The following RARB variants were observed in gnomAD, a reference collection of about 807,000 sequenced individuals.
RARB encodes HBV-activated protein.
In RARB, 17 loss-of-function variants were observed where a neutral mutation model predicts 51.9. The observed-to-expected ratio is 0.33, with a 90% CI of 0.22 to 0.49. RARB has a LOEUF of 0.49. Among genes scored for constraint, RARB ranks in the 20% least tolerant of loss-of-function variants. The pLI, the probability that RARB is intolerant of heterozygous loss-of-function variation, is 0.99. For missense variants in RARB, 369 were observed against 550.8 expected (o/e 0.67, Z 3.30); for synonymous variants, 215 against 195.4 (o/e 1.10, Z -0.84).
At chr3:24,869,940 C>G (rs1290547943) in intron 2 of RARB, among the ~76,000 whole-genome samples, 4 of 151,974 alleles carry the variant, frequency 2.6e-5, no homozygotes, top group African/African-American at 9.7e-5. Context: ...TTTTTCCGTA[C>G]TTAGTATGGA....
intron 2 of RARB, among the ~76,000 whole-genome samples, chr3:25,014,448 G>C (rs1697465858): frequency 6.6e-6 from 1 of 152,120 alleles, no homozygotes; most frequent in Non-Finnish European, 1.5e-5. Flanking sequence ...TAAAAACAAA[G>C]ATTTCAGGGA....
At chr3:24,980,961 C>G (rs1309789624) in intron 2 of RARB, among the ~76,000 whole-genome samples, 1 of 152,130 alleles carries the variant, frequency 6.6e-6, no homozygotes, top group Non-Finnish European at 1.5e-5. Context: ...TGTGGATGTC[C>G]TTTTTGTTGA....
chr3:25,465,352 C>T (rs1695378857), intron 2 of RARB, among the ~76,000 whole-genome samples: 1 of 152,116 alleles, frequency 6.6e-6, no homozygotes, highest in Admixed American at 6.6e-5. Flanking sequence ...CCCTTGTTGA[C>T]CGGTAGAAAC....
chr3:24,862,357 T>C (rs1030265281), intron 2 of RARB, among the ~76,000 whole-genome samples: 2 of 152,134 alleles, frequency 1.3e-5, no homozygotes, highest in African/African-American at 2.4e-5. Context: ...TCCAAAGAGG[T>C]GGGTGAAGTT....
intron 5 of RARB, among the ~76,000 whole-genome samples, chr3:25,365,721 T>C (rs998243580): frequency 2.6e-5 from 4 of 152,208 alleles, no homozygotes; most frequent in East Asian, 1.9e-4. Flanking sequence ...AAGGTTGAGA[T>C]TGTGGACTAA....
intron 2 of RARB, among the ~76,000 whole-genome samples, chr3:24,929,467 G>A (rs1695395992): frequency 1.3e-5 from 2 of 152,028 alleles, no homozygotes; most frequent in African/African-American, 4.8e-5. Flanking sequence ...TATGGTTTTG[G>A]AACTATCACT....
intron 5 of RARB, among the ~76,000 whole-genome samples, chr3:25,289,811 T>C (rs184981616): frequency 2.3e-3 from 343 of 152,318 alleles, no homozygotes; most frequent in Non-Finnish European, 4.3e-3. Context: ...AAGTCATAGA[T>C]AATTTTTGGA....
chr3:24,966,356 G>C (rs1696273054), intron 2 of RARB, among the ~76,000 whole-genome samples: 1 of 152,012 alleles, frequency 6.6e-6, no homozygotes, highest in South Asian at 2.1e-4. Flanking sequence ...TTTAACAAAT[G>C]AAAGAAGGAG....
At chr3:25,362,465 C>G (rs552707182) in intron 5 of RARB, among the ~76,000 whole-genome samples, 4 of 152,162 alleles carry the variant, frequency 2.6e-5, no homozygotes, top group Admixed American at 2.0e-4. Flanking sequence ...CTTCAGCCCC[C>G]TTTCCAGGGG....
intron 4 of RARB, among the ~76,000 whole-genome samples, chr3:25,172,405 C>G (rs910351303): frequency 6.6e-6 from 1 of 152,148 alleles, no homozygotes; most frequent in Non-Finnish European, 1.5e-5. Flanking sequence ...CTCTTCTCAT[C>G]TGGAAAATAA....
rs80300411 is a variant in RARB, at chr3:25,556,279, G to A, written c.449-13479G>A. Among the ~76,000 whole-genome samples, 235 of 152,302 alleles carry A rather than the reference G, an allele frequency of 1.5e-3. 2 individuals carry two copies. Among genetic ancestry groups the A allele is most frequent in the Middle Eastern group, 3.4e-3 (1 of 294 alleles). ...TCTATTTATATTGAGAAACTGATAA[G>A]TTCACTCAGGGGAAGGCTAAGTTGG... On this transcript the variant is annotated intron_variant, in intron 3 of 7. Transcript: ENST00000330688.
At chr3:24,875,355 A>G (rs1559379208) in intron 2 of RARB, among the ~76,000 whole-genome samples, 1 of 152,140 alleles carries the variant, frequency 6.6e-6, no homozygotes, top group Non-Finnish European at 1.5e-5. Flanking sequence ...TCTGTACAGT[A>G]ATTTAGCATT....
At chr3:25,342,759 T>C (rs1489332379) in intron 5 of RARB, among the ~76,000 whole-genome samples, 3 of 152,270 alleles carry the variant, frequency 2.0e-5, no homozygotes, top group South Asian at 4.1e-4. Context: ...CTTTTTTTCA[T>C]GGTCTTTTTA....
intron 4 of RARB, among the ~76,000 whole-genome samples, chr3:25,574,998 T>C (rs1700866882): frequency 6.6e-6 from 1 of 152,128 alleles, no homozygotes; most frequent in African/African-American, 2.4e-5. Context: ...GAGCCTCAGT[T>C]TCTTGCTAGT....
intron 2 of RARB, among the ~76,000 whole-genome samples, chr3:24,872,043 G>A (rs1279786038): frequency 1.3e-5 from 2 of 152,094 alleles, no homozygotes; most frequent in Non-Finnish European, 2.9e-5. Context: ...ACCTTTTAGT[G>A]TTTCTTGTAG....
intron 3 of RARB, among the ~76,000 whole-genome samples, chr3:25,127,395 A>G (rs1699877843): frequency 6.6e-6 from 1 of 152,110 alleles, no homozygotes; most frequent in African/African-American, 2.4e-5. Context: ...CTCTCTGAAA[A>G]GCCTTTCCCA....
chr3:24,842,490 G>A (rs1702431645), intron 1 of RARB, among the ~76,000 whole-genome samples: 1 of 152,104 alleles, frequency 6.6e-6, no homozygotes, highest in South Asian at 2.1e-4. Context: ...GACTCCCTTG[G>A]CCAATAATCT....
rs569217062 is a variant in RARB, at chr3:25,206,450, G to C, written c.178+31875G>C. ...CACTGAGGATTTTGCTGGCTACTCA[G>C]GGCAGCATAATGAGGTCTTTTGACT... On this transcript the variant is annotated intron_variant, in intron 5 of 11. Transcript: ENST00000383772. Among the ~76,000 whole-genome samples the C allele has an allele frequency of 3.2e-4, 48 of 152,210 alleles. No homozygotes were observed. In the South Asian group the frequency reaches 9.5e-3, roughly 30 times the overall value.
chr3:25,351,697 G>A (rs961084562), intron 5 of RARB, among the ~76,000 whole-genome samples: 1 of 152,126 alleles, frequency 6.6e-6, no homozygotes, highest in Non-Finnish European at 1.5e-5. Flanking sequence ...GTTGGATTGT[G>A]TTCTGGTTAT....
Sources: allele counts gnomAD v4.1 joint callset (sites outside exome capture counted in the v4.1 genomes callset), GRCh38; gene constraint gnomAD v4.1.1; transcripts MANE v1.5; gene names NCBI Gene and HGNC (gene_info 2026-07-23, HGNC 2026-07-21).